The following OPRD1 variants were observed in gnomAD, a reference collection of about 807,000 sequenced individuals.
The protein encoded by OPRD1 is opioid receptor delta 1, also known as delta-type opioid receptor.
In OPRD1, 19 loss-of-function variants were observed where a neutral mutation model predicts 17.5. That is an observed-to-expected ratio of 1.09 (90% confidence interval 0.76 to 1.60). OPRD1 has a LOEUF of 1.60. Ranked by LOEUF, OPRD1 falls within the 40% of genes most tolerant of loss-of-function variation. The pLI is 0.00. For synonymous variants in OPRD1, 256 were observed against 240.9 expected, an observed-to-expected ratio of 1.06 and a Z score of -0.58; for missense variants, 483 against 547.2, an observed-to-expected ratio of 0.88 and a Z score of 1.17.
chr1:28,824,119 C>T (rs1396154092), intron 1 of OPRD1, among the ~76,000 whole-genome samples: 1 of 145,984 alleles, frequency 6.9e-6, no homozygotes, highest in Non-Finnish European at 1.5e-5. Context: ...GCGGAGGTTG[C>T]AGTGAGCCGA....
rs1213832730 is a variant in OPRD1, at chr1:28,846,850, C to CTTTCTTTCT, written c.228-12101_228-12093dup. On this transcript the variant is annotated intron_variant, in intron 1 of 2. Coordinates refer to ENST00000234961, the MANE Select transcript of OPRD1 (RefSeq NM_000911.4). ...CTTTCTTTCTTTCTTTCTTTCTTTT[C>CTTTCTTTCT]TTTCTTTCTTTCTTTCTTTCTTTCT... 8.7e-3 allele frequency among the ~76,000 whole-genome samples: 331 copies of CTTTCTTTCT among 38,226 alleles called. 2 individuals are homozygous for CTTTCTTTCT. The highest frequency in any genetic ancestry group is 0.02 in the African/African-American group (260 of 12,832). 25.1% of individuals were successfully genotyped at this position (38,226 alleles called of 152,430 possible).
chr1:28,831,172 G>A (rs1055030747), intron 1 of OPRD1, among the ~76,000 whole-genome samples: 3 of 152,220 alleles, frequency 2.0e-5, no homozygotes, highest in South Asian at 2.1e-4. Flanking sequence ...GGGCAGGTTA[G>A]CCACAAGACA....
intron 1 of OPRD1, among the ~76,000 whole-genome samples, chr1:28,813,416 C>T (rs962422304): frequency 1.3e-5 from 2 of 152,200 alleles, no homozygotes; most frequent in African/African-American, 4.8e-5. Context: ...AATGCCCTCT[C>T]CCATTTTCTC....
intron 1 of OPRD1, among the ~76,000 whole-genome samples, chr1:28,837,948 A>G (rs973918602): frequency 2.0e-5 from 3 of 150,806 alleles, no homozygotes; most frequent in African/African-American, 4.9e-5. Flanking sequence ...CCTGGTGGAC[A>G]TGGATTTTGG....
intron 1 of OPRD1, among the ~76,000 whole-genome samples, chr1:28,825,406 G>A (rs779440002): frequency 2.6e-4 from 40 of 151,956 alleles, no homozygotes; most frequent in Non-Finnish European, 2.9e-4. Context: ...TTTTTTTTGA[G>A]ACAGAGTCTC....
intron 1 of OPRD1, among the ~76,000 whole-genome samples, chr1:28,819,054 G>C (rs1222665357): frequency 6.6e-6 from 1 of 151,404 alleles, no homozygotes; most frequent in Non-Finnish European, 1.5e-5. Flanking sequence ...ATGGGGAGGG[G>C]CTCAATGTGG....
At chr1:28,814,198 C>T (rs767999784) in intron 1 of OPRD1, among the ~76,000 whole-genome samples, 21 of 152,186 alleles carry the variant, frequency 1.4e-4, no homozygotes, top group Non-Finnish European at 5.9e-5. Flanking sequence ...CGAGGCAGGC[C>T]GGCCTGGTAT....
At chr1:28,823,383 G>GTTTATTTATTTATTTA (rs143622810) in intron 1 of OPRD1, among the ~76,000 whole-genome samples, 2,762 of 139,584 alleles carry the variant, frequency 0.02, 41 homozygotes, top group Middle Eastern at 0.036. Context: ...AATTTTATTT[G>GTTTATTTATTTATTTA]TTTGTTTATT....
At chr1:28,825,212 G>A (rs1283176202) in intron 1 of OPRD1, among the ~76,000 whole-genome samples, 1 of 152,114 alleles carries the variant, frequency 6.6e-6, no homozygotes, top group Admixed American at 6.6e-5. Flanking sequence ...TACAAATGAG[G>A]AAACCGAGAC....
intron 1 of OPRD1, among the ~76,000 whole-genome samples, chr1:28,834,165 G>A (rs531927975): frequency 3.3e-5 from 5 of 152,164 alleles, no homozygotes; most frequent in African/African-American, 1.2e-4. Context: ...GCCCACCTCG[G>A]CCTCCCAAAG....
rs532681541 is a variant in OPRD1, at chr1:28,832,585, C to T, written c.227+19975C>T. Among the ~76,000 whole-genome samples, 23 of 151,460 alleles carry T rather than the reference C, an allele frequency of 1.5e-4. 1 individual carries two copies. In the South Asian group the frequency reaches 4.8e-3, roughly 32 times the overall value. On this transcript the variant is annotated intron_variant, in intron 1 of 2. Transcript: ENST00000234961. ...TGAGCTGTGATTGCGCCACTGCACT[C>T]TAGCCTGGGTGGTAGAGTGAGACTC... is the stretch of plus-strand genomic sequence containing the variant.
chr1:28,836,188 A>G (rs975966673), intron 1 of OPRD1, among the ~76,000 whole-genome samples: 1 of 152,166 alleles, frequency 6.6e-6, no homozygotes. Flanking sequence ...TAGGGCTGCC[A>G]TAGCAAATTG....
chr1:28,849,885 T>G (rs1478016334), intron 1 of OPRD1, among the ~76,000 whole-genome samples: 5 of 148,504 alleles, frequency 3.4e-5, no homozygotes, highest in African/African-American at 1.2e-4. Flanking sequence ...CTTTTTTTTT[T>G]TTTTTTTTTT....
chr1:28,819,813 A>T (rs187324025), intron 1 of OPRD1, among the ~76,000 whole-genome samples: 1 of 152,154 alleles, frequency 6.6e-6, no homozygotes, highest in Non-Finnish European at 1.5e-5. Flanking sequence ...AGGAATGGGG[A>T]TGGGGTAGAG....
intron 1 of OPRD1, among the ~76,000 whole-genome samples, chr1:28,831,266 A>G (rs903087095): frequency 6.6e-6 from 1 of 152,186 alleles, no homozygotes; most frequent in African/African-American, 2.4e-5. Context: ...AAGCCCAGCA[A>G]TTTGGTAGGC....
intron 1 of OPRD1, among the ~76,000 whole-genome samples, chr1:28,846,661 C>T (rs1430135897): frequency 4.9e-5 from 7 of 144,204 alleles, no homozygotes; most frequent in Non-Finnish European, 6.0e-5. Flanking sequence ...CCAGCCTGGG[C>T]GACAGAGCAA....
chr1:28,850,831 TAAA>T (rs1325242711), intron 1 of OPRD1, among the ~76,000 whole-genome samples: 1 of 133,048 alleles, frequency 7.5e-6, no homozygotes, highest in Non-Finnish European at 1.6e-5. Context: ...ATAATAATAA[TAAA>T]AGGTCAATGG....
chr1:28,851,538 C>T (rs1259201798), intron 1 of OPRD1, among the ~76,000 whole-genome samples: 1 of 152,162 alleles, frequency 6.6e-6, no homozygotes, highest in African/African-American at 2.4e-5. Context: ...AGGACAGGTG[C>T]GCAGCTGGTG....
At chr1:28,838,070 G>A (rs10753331) in intron 1 of OPRD1, among the ~76,000 whole-genome samples, 58,766 of 151,214 alleles carry the variant, frequency 0.39, 12,379 homozygotes, top group African/African-American at 0.55. Context: ...GGTGATCTCT[G>A]TAAATGTCAT....
Sources: gnomAD v4.1 joint callset for allele counts (sites outside exome capture counted in the v4.1 genomes callset) on GRCh38, gnomAD v4.1.1 for gene constraint, MANE v1.5 for transcripts, NCBI Gene and HGNC (gene_info 2026-07-23, HGNC 2026-07-21) for gene names.